The following PCDHGA2 variants were observed in gnomAD, a reference collection of about 807,000 sequenced individuals.
PCDHGA2 encodes protocadherin gamma subfamily A, 2, also known as protocadherin gamma-A2.
Under a neutral mutation model 59.2 loss-of-function variants are expected in PCDHGA2, and 40 were observed. The ratio of observed to expected loss-of-function variants is 0.68; its 90% confidence interval spans 0.52 to 0.88. The LOEUF (loss-of-function observed/expected upper bound fraction) is 0.88. Among genes scored for constraint, PCDHGA2 ranks in the 40% least tolerant of loss-of-function variants. The pLI, the probability that PCDHGA2 is intolerant of heterozygous loss-of-function variation, is 0.00. For synonymous variants in PCDHGA2, 560 were observed against 526.0 expected (o/e 1.06, Z -0.89); for missense variants, 1,226 against 1,204.0 (o/e 1.02, Z -0.27).
chr5:141,371,638 T>A, intron 1 of PCDHGA2: 1 of 1,613,996 alleles, frequency 6.2e-7, no homozygotes, highest in Non-Finnish European at 8.5e-7. Context: ...CGGGAGCAGA[T>A]CCCAGAATAC....
chr5:141,491,826 C>G lies in PCDHGA2; in HGVS notation c.2425-2981C>G. ...GGCTTGGTCGCTGGCTGCGCTCCAC[C>G]CGATTCTCGGGATCATTGGACCGTT... On this transcript the variant is annotated intron_variant, in intron 1 of 3. Coordinates refer to ENST00000394576, the MANE Select transcript of PCDHGA2 (RefSeq NM_018915.4). The surrounding 1 kb of genome is among the most constrained non-coding windows in gnomAD (Gnocchi z 6.9). 1 of 1,477,526 alleles carries G rather than the reference C, an allele frequency of 6.8e-7. No individual in the cohort carries two copies. The highest frequency in any genetic ancestry group is 9.0e-7 in the Non-Finnish European group (1 of 1,114,486). 91.5% of individuals were successfully genotyped at this position (1,477,526 alleles called of 1,614,324 possible). A position where few individuals can be genotyped will look rare whatever the true frequency, so the allele number is the denominator to read the frequency against.
chr5:141,409,360 A>G (rs746614262), intron 1 of PCDHGA2: 2 of 1,614,014 alleles, frequency 1.2e-6, no homozygotes, highest in Admixed American at 3.3e-5. Flanking sequence ...GGTGTAATAT[A>G]GAAACAGACA....
intron 1 of PCDHGA2, chr5:141,364,436 C>T: frequency 6.2e-7 from 1 of 1,613,758 alleles, no homozygotes; most frequent in Non-Finnish European, 8.5e-7. Context: ...CTACTCGATG[C>T]CGGAGGAGCT....
chr5:141,427,914 A>G (rs757621783), intron 1 of PCDHGA2: 123 of 1,576,802 alleles, frequency 7.8e-5, no homozygotes, highest in Non-Finnish European at 7.6e-5. Context: ...CAGCGCCAAC[A>G]TGAGCCGGCG....
At chr5:141,403,317 A>G (rs576274199) in intron 1 of PCDHGA2, 2 of 1,613,974 alleles carry the variant, frequency 1.2e-6, no homozygotes, top group South Asian at 2.2e-5. Flanking sequence ...ATAGAAATAG[A>G]AGTAACTGAT....
chr5:141,384,914 T>C, intron 1 of PCDHGA2: 1 of 1,613,988 alleles, frequency 6.2e-7, no homozygotes, highest in Non-Finnish European at 8.5e-7. Flanking sequence ...CCCGAAGTCT[T>C]GGCCGACCTG....
At chr5:141,386,183 A>G (rs201653759) in intron 1 of PCDHGA2, among the ~76,000 whole-genome samples, 1 of 152,230 alleles carries the variant, frequency 6.6e-6, no homozygotes, top group East Asian at 1.9e-4. Context: ...CATCTTATGT[A>G]CACAGATCCT....
intron 1 of PCDHGA2, chr5:141,393,572 G>C (rs1399932416): frequency 6.2e-7 from 1 of 1,613,908 alleles, no homozygotes; most frequent in South Asian, 1.1e-5. Context: ...AAGTCCTTGA[G>C]AACATGCCCC....
At chr5:141,435,391 A>C (rs1328617100) in intron 1 of PCDHGA2, among the ~76,000 whole-genome samples, 5 of 152,202 alleles carry the variant, frequency 3.3e-5, no homozygotes, top group African/African-American at 1.2e-4. Flanking sequence ...CCGTATTGCC[A>C]TGACGAAAAA....
chr5:141,387,742 C>T, intron 1 of PCDHGA2: 5 of 1,340,938 alleles, frequency 3.7e-6, no homozygotes, highest in Non-Finnish European at 5.0e-6. Context: ...CTTTACACCG[C>T]TTCCTCCTCG....
intron 1 of PCDHGA2, chr5:141,395,065 A>G: frequency 6.2e-7 from 1 of 1,614,132 alleles, no homozygotes; most frequent in South Asian, 1.1e-5. Context: ...GCTTTCCTGC[A>G]GACCTATTCC....
chr5:141,481,026 C>T (rs1315533254), intron 1 of PCDHGA2, among the ~76,000 whole-genome samples: 1 of 152,100 alleles, frequency 6.6e-6, no homozygotes, highest in African/African-American at 2.4e-5. Flanking sequence ...CCACTGCACT[C>T]CAGCCTGGGC....
At position 141,487,075 on chromosome 5, in the gene PCDHGA2, C is replaced by T. The variant is rs755563146; in HGVS notation, c.2425-7732C>T. The T allele has an allele frequency of 1.9e-6, 3 of 1,614,116 alleles. No individual in the cohort carries two copies. The highest frequency in any genetic ancestry group is 2.5e-6 in the Non-Finnish European group (3 of 1,179,982). ...GGGAGGTGCGGACGGCTGTTCCTATCCCAGCTGACCTCCCACCACAGAAGC... is the reference window on the plus strand; with the variant it reads ...GGGAGGTGCGGACGGCTGTTCCTATTCCAGCTGACCTCCCACCACAGAAGC... On this transcript the variant is annotated intron_variant, in intron 1 of 3. Transcript: ENST00000394576. This position sits in a 1 kb window ranked among gnomAD's most constrained non-coding sequence, Gnocchi z 5.0.
intron 1 of PCDHGA2, chr5:141,393,842 T>A (rs1010461527): frequency 1.2e-6 from 2 of 1,613,830 alleles, no homozygotes; most frequent in African/African-American, 2.7e-5. Flanking sequence ...TAAATGACAA[T>A]AGACCAGAAG....
At position 141,477,758 on chromosome 5, in the gene PCDHGA2, G is replaced by A; in HGVS notation, c.2425-17049G>A. 2 of 1,613,924 alleles carry A rather than the reference G, an allele frequency of 1.2e-6. No homozygotes were observed. The highest frequency in any genetic ancestry group is 1.7e-5 in the Admixed American group (1 of 60,022). On this transcript the variant is annotated intron_variant, in intron 1 of 3. Transcript: ENST00000394576. The surrounding 1 kb of genome is among the most constrained non-coding windows in gnomAD (Gnocchi z 4.9). ...CAGCGATGGGGGCACCCCGGTCCTA[G>A]CCACCAACATCAGCGTGAACATATT...
In PCDHGA2 at chr5:141,489,412, G is replaced by C; in HGVS notation, c.2425-5395G>C. On this transcript the variant is annotated intron_variant, in intron 1 of 3. Coordinates refer to ENST00000394576, the MANE Select transcript of PCDHGA2 (RefSeq NM_018915.4). The surrounding 1 kb of genome is among the most constrained non-coding windows in gnomAD (Gnocchi z 4.5). ...TCAGGATCTGGGCTTAAAGATGACAGATCTGTTGAGCCGGCGGCTGCAATT... is the reference window on the plus strand; with the variant it reads ...TCAGGATCTGGGCTTAAAGATGACACATCTGTTGAGCCGGCGGCTGCAATT... The C allele has an allele frequency of 6.2e-7, 1 of 1,614,172 alleles. No individual in the cohort carries two copies. Among genetic ancestry groups the C allele is most frequent in the Non-Finnish European group, 8.5e-7 (1 of 1,180,040 alleles).
intron 1 of PCDHGA2, chr5:141,372,839 A>G: frequency 6.6e-7 from 1 of 1,524,174 alleles, no homozygotes. Context: ...TCCTTCCATA[A>G]ATATAATTGG....
intron 1 of PCDHGA2, chr5:141,357,443 C>T (rs1161118434): frequency 1.2e-6 from 2 of 1,614,104 alleles, no homozygotes; most frequent in African/African-American, 1.3e-5. Context: ...GGGGTTCGGG[C>T]TTTCCTGCAG....
In PCDHGA2 at chr5:141,511,086, G is replaced by A. The variant is rs2099883600; in HGVS notation, c.2712G>A (p.Leu904=). The A allele has an allele frequency of 1.2e-6, 2 of 1,614,062 alleles. No individual in the cohort carries two copies. The highest frequency in any genetic ancestry group is 2.2e-5 in the East Asian group (1 of 44,886). The change falls in exon 4 of 4, where the codon CTG becomes CTA. Residue 904 remains leucine (L), a synonymous_variant. Transcript: ENST00000394576. ...ACATCCCAGGCAGCAATGCCACACT[G>A]ACCAACGCAGCTGGCAAGCGGGATG... is the stretch of plus-strand genomic sequence containing the variant. The part of the protein sequence containing the change: ...NVYIPGSNAT[L]TNAAGKRDGK...
Sources: allele counts gnomAD v4.1 joint callset (sites outside exome capture counted in the v4.1 genomes callset), GRCh38; gene constraint gnomAD v4.1.1; non-coding constraint Gnocchi (gnomAD v3.1); transcripts MANE v1.5; gene names NCBI Gene and HGNC (gene_info 2026-07-23, HGNC 2026-07-21).